The following SCAPER variants were observed in gnomAD, a reference collection of about 807,000 sequenced individuals.
SCAPER encodes the protein S-phase cyclin A associated protein in the ER.
A neutral mutation model predicts 182.2 loss-of-function variants in SCAPER; 98 were observed. That is an observed-to-expected ratio of 0.54 (90% CI 0.46 to 0.64). SCAPER has a LOEUF of 0.64. SCAPER is among the 30% of genes least tolerant of loss of function. SCAPER has a pLI of 0.00. For synonymous variants in SCAPER, 605 were observed against 564.6 expected, an observed-to-expected ratio of 1.07 and a Z score of -1.01; for missense variants, 1,432 against 1,690.0, an observed-to-expected ratio of 0.85 and a Z score of 2.68.
chr15:76,830,809 G>A (rs1227675688), intron 5 of SCAPER, among the ~76,000 whole-genome samples: 1 of 151,894 alleles, frequency 6.6e-6, no homozygotes, highest in African/African-American at 2.4e-5. Context: ...ACATCAAGTA[G>A]ACTGGCACAC....
In SCAPER at chr15:76,652,351, C is replaced by T. The variant is rs1219468688; in HGVS notation, c.2645+13302G>A. 3.9e-3 allele frequency among the ~76,000 whole-genome samples: 109 copies of T among 27,642 alleles called. 2 individuals are homozygous for T. The highest frequency in any genetic ancestry group is 9.2e-3 in the African/African-American group (50 of 5,424). The allele number at this position is 27,642 out of a possible 152,430, so 18.1% of individuals were successfully genotyped here. On this transcript the variant is annotated intron_variant, in intron 21 of 31. Coordinates refer to ENST00000563290, the MANE Select transcript of SCAPER (RefSeq NM_020843.4). ...ACACACATACACATATATACACACA[C>T]ACACACACACACACACACACATATA... is the stretch of plus-strand genomic sequence containing the variant.
At chr15:76,764,627 C>T (rs2063002887) in intron 14 of SCAPER, among the ~76,000 whole-genome samples, 1 of 152,216 alleles carries the variant, frequency 6.6e-6, no homozygotes, top group Non-Finnish European at 1.5e-5. Flanking sequence ...TGGGCAAACA[C>T]ACTACAAACT....
chr15:76,797,908 T>C (rs555606322), intron 7 of SCAPER, among the ~76,000 whole-genome samples: 1 of 133,258 alleles, frequency 7.5e-6, no homozygotes, highest in African/African-American at 2.8e-5. Flanking sequence ...CATTTTATCA[T>C]TTAAAATGCC....
chr15:76,529,534 C>T (rs75214996), intron 23 of SCAPER, among the ~76,000 whole-genome samples: 23 of 152,240 alleles, frequency 1.5e-4, no homozygotes, highest in African/African-American at 5.5e-4. Flanking sequence ...GAGAAGGGGG[C>T]CTCTGGGCTG....
intron 6 of SCAPER, 126 bp downstream of exon 6, chr15:76,804,406 AT>A (rs1292496376): frequency 2.6e-5 from 15 of 580,468 alleles, no homozygotes; most frequent in South Asian, 1.5e-4. Flanking sequence ...TGAATGAGAA[AT>A]GCAGCACCTG....
intron 21 of SCAPER, among the ~76,000 whole-genome samples, chr15:76,652,367 C>CATATAT (rs1226261626): frequency 9.6e-4 from 23 of 23,854 alleles, no homozygotes; most frequent in East Asian, 2.2e-3. Context: ...CACACACACA[C>CATATAT]ACACATATAT....
intron 24 of SCAPER, among the ~76,000 whole-genome samples, chr15:76,484,730 C>T (rs1379758024): frequency 6.6e-6 from 1 of 152,064 alleles, no homozygotes; most frequent in Non-Finnish European, 1.5e-5. Context: ...AGGCCTCATC[C>T]CCAGGATGCA....
At chr15:76,436,239 T>C (rs1420213208) in intron 25 of SCAPER, among the ~76,000 whole-genome samples, 2 of 152,160 alleles carry the variant, frequency 1.3e-5, no homozygotes, top group Non-Finnish European at 2.9e-5. Context: ...GGCTAATTTT[T>C]GTATTTTCAT....
chr15:76,537,319 A>G (rs1340676319), intron 23 of SCAPER, among the ~76,000 whole-genome samples: 2 of 152,010 alleles, frequency 1.3e-5, no homozygotes, highest in Non-Finnish European at 2.9e-5. Context: ...TTCAAACTAT[A>G]CTGCAAGGCT....
Position 76,373,947 on chromosome 15 carries a change from CGTT to C in SCAPER, c.3855+2212_3855+2214del, listed in dbSNP as rs1046159089. Among the ~76,000 whole-genome samples, 7 of 150,864 alleles carry C rather than the reference CGTT, an allele frequency of 4.6e-5. No homozygotes were observed. The Admixed American group carries it at 4.7e-4, about 10-fold the overall frequency. ...TTCTCAGGAAAGCAATTTCAGCTCT[CGTT>C]GTACAGCTTCTCACCTTGTACTTGG... On this transcript the variant is annotated intron_variant, in intron 29 of 31. Coordinates refer to ENST00000563290, the MANE Select transcript of SCAPER (RefSeq NM_020843.4).
At position 76,885,614 on chromosome 15, in the gene SCAPER, G is replaced by C. The variant is rs145645794; in HGVS notation, c.-59-1738C>G. Among the ~76,000 whole-genome samples the C allele has an allele frequency of 3.4e-4, 52 of 152,340 alleles. 1 individual carries two copies. The highest frequency in any genetic ancestry group is 1.2e-4 in the Non-Finnish European group (8 of 68,034). On this transcript the variant is annotated intron_variant, in intron 1 of 31. Transcript: ENST00000563290. ...TCTTCCCACCTCAGCCTCCTGAGTA[G>C]CTGGGACTACAGGTGCACACCATCA...
At chr15:76,488,045 C>G (rs1000844011) in intron 24 of SCAPER, among the ~76,000 whole-genome samples, 1 of 152,108 alleles carries the variant, frequency 6.6e-6, no homozygotes, top group African/African-American at 2.4e-5. Flanking sequence ...TCTCCCACCC[C>G]CAAGATAAAA....
chr15:76,864,678 A>G (rs1386844651), intron 2 of SCAPER, among the ~76,000 whole-genome samples: 1 of 152,144 alleles, frequency 6.6e-6, no homozygotes, highest in East Asian at 1.9e-4. Flanking sequence ...GATTTTCTAC[A>G]AAGGGCCAGA....
In SCAPER at chr15:76,635,423, C is replaced by T. The variant is rs191363162; in HGVS notation, c.2646-13594G>A. Among the ~76,000 whole-genome samples, 397 of 152,284 alleles carry T rather than the reference C, an allele frequency of 2.6e-3. 2 individuals are homozygous for T. The highest frequency in any genetic ancestry group is 9.2e-3 in the African/African-American group (381 of 41,550). ...AATTCAACATAGACAGTGGCCCTGG[C>T]CAGGAATTGATTTTTTTTTCCTCAT... On this transcript the variant is annotated intron_variant, in intron 21 of 31. Transcript: ENST00000563290.
At chr15:76,542,347 GC>G (rs2044835381) in intron 23 of SCAPER, among the ~76,000 whole-genome samples, 1 of 151,442 alleles carries the variant, frequency 6.6e-6, no homozygotes, top group Admixed American at 6.6e-5. Context: ...ACATGGTGAA[GC>G]CCCATGTCTA....
chr15:76,713,619 G>A (rs2059716712), intron 17 of SCAPER, among the ~76,000 whole-genome samples: 1 of 151,800 alleles, frequency 6.6e-6, no homozygotes, highest in South Asian at 2.1e-4. Flanking sequence ...TCACACTCTG[G>A]GGACTGTTGT....
chr15:76,465,967 C>T (rs775464830), intron 25 of SCAPER, among the ~76,000 whole-genome samples: 71 of 152,160 alleles, frequency 4.7e-4, no homozygotes, highest in African/African-American at 1.5e-3. Flanking sequence ...CCCTAGTACA[C>T]GACAAGTCAC....
intron 23 of SCAPER, among the ~76,000 whole-genome samples, chr15:76,538,648 T>A (rs983354356): frequency 2.0e-5 from 3 of 151,956 alleles, no homozygotes; most frequent in Non-Finnish European, 2.9e-5. Flanking sequence ...CACACCAGCA[T>A]GGCACATGTA....
rs1242969271 is a variant in SCAPER, at chr15:76,862,397, T to C, written c.124+19A>G. The C allele has an allele frequency of 6.6e-7, 1 of 1,518,684 alleles. No homozygotes were observed. The highest frequency in any genetic ancestry group is 1.4e-5 in the African/African-American group (1 of 72,774). The allele number at this position is 1,518,684 out of a possible 1,614,324, so 94.1% of individuals were successfully genotyped here. On this transcript the variant is annotated intron_variant, in intron 3 of 31. Transcript: ENST00000563290. The stretch of plus-strand genomic sequence containing the variant: ...TCCTTATTTACAACAAAAATGAAAC[T>C]AATTTTTTAAATACATACCATCATC...
Sources: allele counts gnomAD v4.1 joint callset (sites outside exome capture counted in the v4.1 genomes callset), GRCh38; gene constraint gnomAD v4.1.1; transcripts MANE v1.5; gene names NCBI Gene and HGNC (gene_info 2026-07-23, HGNC 2026-07-21).